ARB2A: variants seen among roughly 807,000 people sequenced by gnomAD.
The protein encoded by ARB2A is cotranscriptional regulator ARB2A.
At chr5:93,812,981 G>T in the ARB2A span, among the ~76,000 whole-genome samples, 3 of 152,148 alleles carry the variant, frequency 2.0e-5, no homozygotes, top group Non-Finnish European at 4.4e-5. Context: ...AGAGACTAGA[G>T]CTTTCTCTCA....
the ARB2A span, among the ~76,000 whole-genome samples, chr5:93,985,751 G>C: frequency 6.6e-6 from 1 of 152,186 alleles, no homozygotes; most frequent in East Asian, 1.9e-4. Flanking sequence ...CTGGAGTGCA[G>C]TGGCGTGATC....
the ARB2A span, among the ~76,000 whole-genome samples, chr5:93,822,816 C>T: frequency 6.6e-6 from 1 of 151,766 alleles, no homozygotes; most frequent in African/African-American, 2.4e-5. Context: ...TGAAAATAAT[C>T]CCTAAAAACT....
the ARB2A span, among the ~76,000 whole-genome samples, chr5:94,084,472 C>T: frequency 6.6e-6 from 1 of 152,014 alleles, no homozygotes; most frequent in African/African-American, 2.4e-5. Context: ...TATCAATTTC[C>T]CTCTACTTTA....
chr5:94,023,125 T>C, the ARB2A span, among the ~76,000 whole-genome samples: 1 of 152,190 alleles, frequency 6.6e-6, no homozygotes, highest in Admixed American at 6.5e-5. Flanking sequence ...AAGGGCCTGA[T>C]AGGATGAATT....
chr5:93,680,488 C>T, the ARB2A span, among the ~76,000 whole-genome samples: 1 of 151,728 alleles, frequency 6.6e-6, no homozygotes, highest in East Asian at 1.9e-4. Flanking sequence ...TTTCTCCTCA[C>T]TCTCATAGCT....
the ARB2A span, among the ~76,000 whole-genome samples, chr5:94,010,599 T>C: frequency 6.6e-6 from 1 of 152,138 alleles, no homozygotes; most frequent in Non-Finnish European, 1.5e-5. Context: ...TAGTGTTATC[T>C]TGAAGGGATC....
At chr5:93,707,821 C>T in the ARB2A span, among the ~76,000 whole-genome samples, 1 of 152,022 alleles carries the variant, frequency 6.6e-6, no homozygotes, top group South Asian at 2.1e-4. Flanking sequence ...GTGATCCACC[C>T]GCCTTGGCCT....
At chr5:94,066,422 G>GCGCACA in the ARB2A span, among the ~76,000 whole-genome samples, 3 of 132,438 alleles carry the variant, frequency 2.3e-5, no homozygotes, top group East Asian at 4.4e-4. Context: ...GCCAGACTAA[G>GCGCACA]CACACACACA....
At chr5:94,062,840 C>A in the ARB2A span, among the ~76,000 whole-genome samples, 1 of 152,218 alleles carries the variant, frequency 6.6e-6, no homozygotes, top group Non-Finnish European at 1.5e-5. Context: ...GCTAATGCCA[C>A]CTGGGCAAAA....
At chr5:93,791,912 G>T in the ARB2A span, among the ~76,000 whole-genome samples, 1 of 151,626 alleles carries the variant, frequency 6.6e-6, no homozygotes. Flanking sequence ...AAAAGCATGT[G>T]TAAGATAGGT....
the ARB2A span, among the ~76,000 whole-genome samples, chr5:93,748,848 A>T: frequency 6.6e-6 from 1 of 152,280 alleles, no homozygotes; most frequent in South Asian, 2.1e-4. Flanking sequence ...TTCTATGTAA[A>T]AAAACTTATT....
At chr5:93,640,572 G>C in the ARB2A span, among the ~76,000 whole-genome samples, 1 of 145,842 alleles carries the variant, frequency 6.9e-6, no homozygotes, top group East Asian at 1.9e-4. Context: ...GTGTGTGTGT[G>C]TATGTGTGTG....
the ARB2A span, among the ~76,000 whole-genome samples, chr5:93,841,803 G>A: frequency 1.3e-5 from 2 of 152,080 alleles, no homozygotes; most frequent in Non-Finnish European, 2.9e-5. Context: ...ACAGCAAGAG[G>A]CCATTAAGAC....
At chr5:93,651,214 C>CA in the ARB2A span, among the ~76,000 whole-genome samples, 1 of 151,984 alleles carries the variant, frequency 6.6e-6, no homozygotes, top group Non-Finnish European at 1.5e-5. Context: ...GGGCTCAACA[C>CA]AGCCTTGGAC....
At chr5:93,831,010 G>A in the ARB2A span, among the ~76,000 whole-genome samples, 6 of 152,182 alleles carry the variant, frequency 3.9e-5, no homozygotes, top group African/African-American at 9.6e-5. Flanking sequence ...CCTCACATGC[G>A]CAGTTCACAA....
chr5:93,694,432 T>A, the ARB2A span, among the ~76,000 whole-genome samples: 1 of 152,126 alleles, frequency 6.6e-6, no homozygotes, highest in African/African-American at 2.4e-5. Context: ...TGAATTCCCA[T>A]TCACAATTGC....
At chr5:93,995,677 G>C in the ARB2A span, among the ~76,000 whole-genome samples, 1 of 152,110 alleles carries the variant, frequency 6.6e-6, no homozygotes, top group Non-Finnish European at 1.5e-5. Context: ...TGTTGTTCAA[G>C]GGTCAACTGC....
the ARB2A span, among the ~76,000 whole-genome samples, chr5:93,680,381 A>G: frequency 2.0e-5 from 3 of 152,144 alleles, no homozygotes; most frequent in Non-Finnish European, 4.4e-5. Flanking sequence ...ACTAGAAGAA[A>G]CAGAGTCTCA....
At chr5:94,041,752 A>G in the ARB2A span, among the ~76,000 whole-genome samples, 1 of 152,140 alleles carries the variant, frequency 6.6e-6, no homozygotes, top group African/African-American at 2.4e-5. Flanking sequence ...ACTATTAAAA[A>G]CTGCTCAATT....
Sources: gnomAD v4.1 joint callset for allele counts (sites outside exome capture counted in the v4.1 genomes callset) on GRCh38, gnomAD v4.1.1 for gene constraint, MANE v1.5 for transcripts, NCBI Gene and HGNC (gene_info 2026-07-23, HGNC 2026-07-21) for gene names.